Variants in RGS5 observed in about 807,000 individuals in gnomAD.
RGS5 encodes regulator of G protein signaling 5.
Under a neutral mutation model 18.9 loss-of-function variants are expected in RGS5, and 20 were observed. That is an observed-to-expected ratio of 1.06 (90% CI 0.74 to 1.54). The LOEUF is 1.54. RGS5 is among the 40% of genes most tolerant of loss of function. The pLI, the probability that RGS5 is intolerant of heterozygous loss-of-function variation, is 0.00. For synonymous variants in RGS5, 57 were observed against 76.2 expected (o/e 0.75, Z 1.31); for missense variants, 201 against 211.8 (o/e 0.95, Z 0.32).
At chr1:163,289,343 C>T (rs1001869592) in intron 2 of RGS5, among the ~76,000 whole-genome samples, 2 of 151,956 alleles carry the variant, frequency 1.3e-5, no homozygotes, top group African/African-American at 4.8e-5. Flanking sequence ...GTGCCACCTC[C>T]TCCAGAAAGG....
chr1:163,275,541 T>G (rs941554302), intron 2 of RGS5, among the ~76,000 whole-genome samples: 1 of 152,198 alleles, frequency 6.6e-6, no homozygotes, highest in Non-Finnish European at 1.5e-5. Context: ...CCTGTCCTAC[T>G]CTGGTTGAAT....
At chr1:163,320,920 C>A (rs1373515004) in intron 1 of RGS5, among the ~76,000 whole-genome samples, 1 of 152,152 alleles carries the variant, frequency 6.6e-6, no homozygotes, top group Non-Finnish European at 1.5e-5. Flanking sequence ...GGTTCCCCAT[C>A]CAACACACGA....
chr1:163,300,010 C>A (rs1420387663), intron 2 of RGS5, among the ~76,000 whole-genome samples: 1 of 152,204 alleles, frequency 6.6e-6, no homozygotes, highest in Non-Finnish European at 1.5e-5. Flanking sequence ...CTACTTTCAA[C>A]TTTATAGCTT....
At chr1:163,291,510 C>A (rs1649287681) in intron 2 of RGS5, among the ~76,000 whole-genome samples, 1 of 151,950 alleles carries the variant, frequency 6.6e-6, no homozygotes, top group Non-Finnish European at 1.5e-5. Flanking sequence ...TGACAGCCGG[C>A]CATGATTCTA....
At chr1:163,284,762 T>C (rs1295002265) in intron 2 of RGS5, among the ~76,000 whole-genome samples, 1 of 152,038 alleles carries the variant, frequency 6.6e-6, no homozygotes, top group Admixed American at 6.6e-5. Context: ...TCCAGCTCCC[T>C]CTCTTTGTCC....
chr1:163,287,672 CATT>C (rs1231942684), intron 2 of RGS5, among the ~76,000 whole-genome samples: 4 of 152,194 alleles, frequency 2.6e-5, no homozygotes, highest in Admixed American at 2.0e-4. Context: ...ATGGGTAAGA[CATT>C]ATGTTTCTCT....
rs942795318 is a variant in RGS5 at position 163,153,167 on chromosome 1, C to G, written c.218-451G>C. On this transcript the variant is annotated intron_variant, in intron 3 of 4. Coordinates refer to ENST00000313961, the MANE Select transcript of RGS5 (RefSeq NM_003617.4). ...TAATGTTAAGTATCACTATGAACTACTCACAATTCTTTATTTTCTCTTTGT... is the reference window on the plus strand; with the variant it reads ...TAATGTTAAGTATCACTATGAACTAGTCACAATTCTTTATTTTCTCTTTGT... 4.6e-5 allele frequency among the ~76,000 whole-genome samples: 7 copies of G among 152,296 alleles called. No individual in the cohort carries two copies. In the East Asian group the frequency reaches 1.3e-3, roughly 29 times the overall value.
chr1:163,256,792 T>G (rs1285712856), intron 2 of RGS5, among the ~76,000 whole-genome samples: 2 of 152,080 alleles, frequency 1.3e-5, no homozygotes, highest in East Asian at 1.9e-4. Flanking sequence ...GAAAGGTAAG[T>G]GCAAGAAAGA....
rs543413970 is a variant in RGS5, at chr1:163,187,620, C to T, written c.44+15172G>A. Among the ~76,000 whole-genome samples, 6 of 152,232 alleles carry T rather than the reference C, an allele frequency of 3.9e-5. No homozygotes were observed. In the South Asian group the frequency reaches 1.2e-3, roughly 32 times the overall value. On this transcript the variant is annotated intron_variant, in intron 1 of 4. Coordinates refer to ENST00000313961, the MANE Select transcript of RGS5 (RefSeq NM_003617.4). ...AAGAGAAGTGGGTTCAGGGAGCTTC[C>T]GGATAGCTGGACACCTGGAGGTTCC...
chr1:163,177,853 T>C lies in RGS5; in HGVS notation c.45-9485A>G, dbSNP rs143844260. Among the ~76,000 whole-genome samples the C allele has an allele frequency of 7.8e-4, 119 of 152,372 alleles. 2 individuals carry two copies. Among genetic ancestry groups the C allele is most frequent in the African/African-American group, 2.5e-3 (102 of 41,598 alleles). On this transcript the variant is annotated intron_variant, in intron 1 of 4. Coordinates refer to ENST00000313961, the MANE Select transcript of RGS5 (RefSeq NM_003617.4). ...CAGGCATTTCATGCTTTCTTGCCTC[T>C]GAGGGAGTTGTGTTGTGACGTCAAA...
At chr1:163,241,706 C>A (rs1647797105) in intron 2 of RGS5, among the ~76,000 whole-genome samples, 1 of 152,118 alleles carries the variant, frequency 6.6e-6, no homozygotes, top group East Asian at 1.9e-4. Context: ...TTTGGTATGG[C>A]CATTCCATTC....
rs550804584 is a variant in RGS5 at position 163,225,167 on chromosome 1, G to A, written c.-280-56799C>T. 3.3e-5 allele frequency among the ~76,000 whole-genome samples: 5 copies of A among 152,222 alleles called. 1 individual carries two copies. The highest frequency in any genetic ancestry group is 1.9e-4 in the East Asian group (1 of 5,172). On this transcript the variant is annotated intron_variant, in intron 2 of 5. Transcript: ENST00000618415. ...TCTATGTTTCATAGTTTCCATTGGG[G>A]TGGGTTTTGAGTATAATGAGCATCT... is the stretch of plus-strand genomic sequence containing the variant.
intron 1 of RGS5, among the ~76,000 whole-genome samples, chr1:163,174,843 T>A (rs896950162): frequency 6.6e-6 from 1 of 152,178 alleles, no homozygotes; most frequent in African/African-American, 2.4e-5. Context: ...GCCAGACATA[T>A]GTCAGGAACA....
At chr1:163,216,435 T>G (rs1484158754) in intron 1 of RGS5, among the ~76,000 whole-genome samples, 1 of 152,164 alleles carries the variant, frequency 6.6e-6, no homozygotes, top group Non-Finnish European at 1.5e-5. Context: ...CTTCACAGAT[T>G]TCCCCCACTG....
intron 2 of RGS5, among the ~76,000 whole-genome samples, chr1:163,254,100 A>G (rs975394245): frequency 3.3e-5 from 5 of 151,068 alleles, no homozygotes; most frequent in African/African-American, 4.9e-5. Context: ...GAATAGTGCC[A>G]CAATAAACAT....
intron 4 of RGS5, 67 bp from the exon 5 acceptor site, chr1:163,147,570 G>A (rs1035249007): frequency 2.2e-6 from 3 of 1,340,340 alleles, no homozygotes; most frequent in Non-Finnish European, 3.0e-6. Context: ...GGTGAAGAGG[G>A]AGGTGGAATT....
At chr1:163,149,258 G>A (rs1253852624) in intron 4 of RGS5, among the ~76,000 whole-genome samples, 2 of 152,150 alleles carry the variant, frequency 1.3e-5, no homozygotes, top group Non-Finnish European at 2.9e-5. Context: ...AACAGCTAGT[G>A]TGGATTAGAG....
chr1:163,317,847 CTTTTT>C (rs908637407), intron 1 of RGS5, among the ~76,000 whole-genome samples: 2 of 144,650 alleles, frequency 1.4e-5, no homozygotes, highest in African/African-American at 5.0e-5. Flanking sequence ...ACTGAACTGC[CTTTTT>C]TTTTTTCTTT....
In RGS5 at chr1:163,143,240, A is replaced by C. The variant is rs1656994389; in HGVS notation, c.*4102T>G. On this transcript the variant is annotated 3_prime_UTR_variant, in exon 5 of 5. Transcript: ENST00000313961. Reference sequence around the variant, plus strand: ...CAAGTGTTCGATACGTGCTTGTCTAATAGAATGAAGAGACTATAAGCCAGA... The same window carrying C: ...CAAGTGTTCGATACGTGCTTGTCTACTAGAATGAAGAGACTATAAGCCAGA... The C allele has an allele frequency of 6.6e-6, 1 of 152,178 alleles. No homozygotes were observed. The highest frequency in any genetic ancestry group is 6.5e-5 in the Admixed American group (1 of 15,270). The allele number at this position is 152,178 out of a possible 1,614,324, so 9.4% of individuals were successfully genotyped here. A position where few individuals can be genotyped will look rare whatever the true frequency, so the allele number is the denominator to read the frequency against.
Sources: allele counts gnomAD v4.1 joint callset (sites outside exome capture counted in the v4.1 genomes callset), GRCh38; gene constraint gnomAD v4.1.1; transcripts MANE v1.5; gene names NCBI Gene and HGNC (gene_info 2026-07-23, HGNC 2026-07-21).